The following CARMIL1 variants were observed in gnomAD, a reference collection of about 807,000 sequenced individuals.
The protein encoded by CARMIL1 is capping protein regulator and myosin 1 linker 1, also known as F-actin-uncapping protein LRRC16A.
Under a neutral mutation model 177.1 loss-of-function variants are expected in CARMIL1, and 90 were observed. The observed-to-expected ratio is 0.51, with a 90% confidence interval of 0.43 to 0.61. The LOEUF (loss-of-function observed/expected upper bound fraction) is 0.61. Ranked by LOEUF, CARMIL1 falls within the 20% of genes least tolerant of loss-of-function variation. The probability of loss-of-function intolerance (pLI) is 0.00; values close to 1 mark genes in which losing one functional copy is unlikely to be tolerated. For missense variants in CARMIL1, 1,380 were observed against 1,667.0 expected, an observed-to-expected ratio of 0.83 and a Z score of 3.00; for synonymous variants, 577 against 606.2, an observed-to-expected ratio of 0.95 and a Z score of 0.71.
At chr6:25,312,929 A>T (rs1232177638) in intron 2 of CARMIL1, among the ~76,000 whole-genome samples, 1 of 151,506 alleles carries the variant, frequency 6.6e-6, no homozygotes. Context: ...AAAAAAAAAA[A>T]AACCAGAGGA....
rs748605407 is a variant in CARMIL1 at position 25,500,228 on chromosome 6, A to G, written c.1388A>G (p.Asn463Ser). ...AAAGGGGTTTCTCTGGATCTCAGCAACTGTGAGGTAAGAACACCCTTAGAT... is the reference window on the plus strand; with the variant it reads ...AAAGGGGTTTCTCTGGATCTCAGCAGCTGTGAGGTAAGAACACCCTTAGAT... ...NLKGVSLDLS[N>S]CELRSGGAQV... Residue 463 changes from asparagine (N) to serine (S), a missense_variant, in exon 17 of 37, where the codon AAC (asparagine) becomes AGC (serine). Coordinates refer to ENST00000329474, the MANE Select transcript of CARMIL1 (RefSeq NM_017640.6). The G allele has an allele frequency of 1.2e-6, 2 of 1,613,790 alleles. No homozygotes were observed. The highest frequency in any genetic ancestry group is 1.7e-6 in the Non-Finnish European group (2 of 1,179,722).
intron 36 of CARMIL1, among the ~76,000 whole-genome samples, chr6:25,613,298 A>G (rs1001323879): frequency 2.6e-5 from 4 of 152,200 alleles, no homozygotes; most frequent in Non-Finnish European, 5.9e-5. Flanking sequence ...TATTGGCCTA[A>G]TATCTTACAC....
intron 2 of CARMIL1, chr6:25,350,714 A>G (rs1228016436): frequency 6.6e-6 from 1 of 152,216 alleles, no homozygotes; most frequent in Non-Finnish European, 1.5e-5. Flanking sequence ...AGGGACTTGT[A>G]ATAGAATCTG....
intron 2 of CARMIL1, among the ~76,000 whole-genome samples, chr6:25,398,196 C>G (rs1175202125): frequency 1.3e-5 from 2 of 152,038 alleles, no homozygotes; most frequent in African/African-American, 4.8e-5. Flanking sequence ...TTTTTTACTT[C>G]CTATAGTAAG....
intron 2 of CARMIL1, among the ~76,000 whole-genome samples, chr6:25,288,944 G>A (rs188060693): frequency 2.0e-3 from 302 of 152,296 alleles, no homozygotes; most frequent in African/African-American, 6.9e-3. Context: ...AGTTTTCAGA[G>A]CCATTAATAC....
At position 25,577,382 on chromosome 6, in the gene CARMIL1, A is replaced by G. The variant is rs946972299; in HGVS notation, c.2743-3542A>G. 7.2e-5 allele frequency among the ~76,000 whole-genome samples: 11 copies of G among 152,058 alleles called. No individual in the cohort carries two copies. In the South Asian group the frequency reaches 1.0e-3, roughly 14 times the overall value. On this transcript the variant is annotated intron_variant, in intron 29 of 36. Transcript: ENST00000329474. This position sits in a 1 kb window ranked among gnomAD's most constrained non-coding sequence, Gnocchi z 4.5. ...TGTTTCGGGCCCAGGGTTGTAGAAA[A>G]TCGACATTATGATTTGCTTCTTATA...
At chr6:25,490,201 G>C (rs1460315191) in intron 13 of CARMIL1, among the ~76,000 whole-genome samples, 1 of 152,114 alleles carries the variant, frequency 6.6e-6, no homozygotes, top group Non-Finnish European at 1.5e-5. Flanking sequence ...AGCAGGGCCT[G>C]GCCTCTTTGG....
At chr6:25,416,015 A>G (rs1276741870) in intron 2 of CARMIL1, among the ~76,000 whole-genome samples, 2 of 152,128 alleles carry the variant, frequency 1.3e-5, no homozygotes, top group East Asian at 3.9e-4. Context: ...GGAGAGGCAC[A>G]GATAGACTGA....
At chr6:25,308,602 C>G (rs368387338) in intron 2 of CARMIL1, among the ~76,000 whole-genome samples, 1 of 151,564 alleles carries the variant, frequency 6.6e-6, no homozygotes, top group Non-Finnish European at 1.5e-5. Flanking sequence ...AGGCTGGTCT[C>G]GAACTCCTGA....
intron 4 of CARMIL1, among the ~76,000 whole-genome samples, chr6:25,431,845 C>T (rs184620836): frequency 5.9e-4 from 90 of 152,192 alleles, no homozygotes; most frequent in African/African-American, 2.1e-3. Context: ...AATAGCTTTA[C>T]AACAGTGCTT....
intron 2 of CARMIL1, among the ~76,000 whole-genome samples, chr6:25,396,192 C>T (rs1793372812): frequency 6.6e-6 from 1 of 151,450 alleles, no homozygotes; most frequent in Non-Finnish European, 1.5e-5. Context: ...AGACTGTCTA[C>T]TTCATTTTAT....
At chr6:25,441,329 A>ATGTGTGTG (rs1183352138) in intron 5 of CARMIL1, among the ~76,000 whole-genome samples, 2 of 49,586 alleles carry the variant, frequency 4.0e-5, no homozygotes, top group African/African-American at 1.7e-4. Flanking sequence ...ACATATATAT[A>ATGTGTGTG]TATATATATG....
chr6:25,556,924 ATC>A, intron 29 of CARMIL1, 74 bp downstream of exon 29: 15 of 1,305,966 alleles, frequency 1.1e-5, no homozygotes, highest in Non-Finnish European at 1.5e-5. Flanking sequence ...TTTTTTTTAA[ATC>A]TCACCTTTTG....
At chr6:25,373,197 T>C (rs2876683) in intron 2 of CARMIL1, among the ~76,000 whole-genome samples, 3 of 152,090 alleles carry the variant, frequency 2.0e-5, no homozygotes, top group Admixed American at 2.0e-4. Context: ...AAGGGTATTG[T>C]TCTGTAGTTT....
At chr6:25,527,732 A>G (rs12111121) in intron 23 of CARMIL1, 105 of 437,344 alleles carry the variant, frequency 2.4e-4, no homozygotes, top group South Asian at 1.7e-3. Context: ...ATGGAAAGGT[A>G]CATTTTGTTC....
intron 34 of CARMIL1, among the ~76,000 whole-genome samples, chr6:25,605,145 T>G (rs1040418): frequency 0.4 from 61,377 of 151,946 alleles, 12,761 homozygotes; most frequent in Non-Finnish European, 0.46. Context: ...AAATTCTGAC[T>G]GTTTTTTCAT....
chr6:25,501,250 T>G (rs1804297954), intron 17 of CARMIL1, among the ~76,000 whole-genome samples: 1 of 152,130 alleles, frequency 6.6e-6, no homozygotes, highest in Non-Finnish European at 1.5e-5. Context: ...CCCGGGCCTT[T>G]ATACTCACTG....
chr6:25,450,764 CT>C lies in CARMIL1; in HGVS notation c.614+55del. ...CTTTCCTCCCTCCCTTCCTCCCTCCCTTCCTCCCTCCCCTCCCTCCCTTCCT... is the reference window on the plus strand; with the variant it reads ...CTTTCCTCCCTCCCTTCCTCCCTCCCTCCTCCCTCCCCTCCCTCCCTTCCT... On this transcript the variant is annotated intron_variant, in intron 8 of 36. Coordinates refer to ENST00000329474, the MANE Select transcript of CARMIL1 (RefSeq NM_017640.6). 29 of 389,276 alleles carry C rather than the reference CT, an allele frequency of 7.4e-5. No homozygotes were observed. The Middle Eastern group carries it at 2.0e-3, about 27-fold the overall frequency. The allele number at this position is 389,276 out of a possible 1,614,324, so 24.1% of individuals were successfully genotyped here.
chr6:25,447,796 G>C (rs1798378005), intron 5 of CARMIL1, among the ~76,000 whole-genome samples: 1 of 152,000 alleles, frequency 6.6e-6, no homozygotes, highest in Non-Finnish European at 1.5e-5. Flanking sequence ...AAGGCCTCCA[G>C]ACTGGGGGTG....
Sources: gnomAD v4.1 joint callset for allele counts (sites outside exome capture counted in the v4.1 genomes callset) on GRCh38, gnomAD v4.1.1 for gene constraint, Gnocchi (gnomAD v3.1) non-coding constraint, MANE v1.5 for transcripts, NCBI Gene and HGNC (gene_info 2026-07-23, HGNC 2026-07-21) for gene names.